Variants in SAMD12 observed in about 807,000 individuals in gnomAD.
The protein encoded by SAMD12 is sterile alpha motif domain-containing protein 12.
SAMD12 carries 9 observed loss-of-function variants against 15.0 expected under a neutral mutation model. The ratio of observed to expected loss-of-function variants is 0.60; its 90% CI spans 0.36 to 1.05. SAMD12 has a LOEUF of 1.05. SAMD12 is among the 50% of genes least tolerant of loss of function. The pLI, the probability that SAMD12 is intolerant of heterozygous loss-of-function variation, is 0.01. For missense variants in SAMD12, 230 were observed against 234.2 expected (o/e 0.98, Z 0.12); for synonymous variants, 86 against 90.1 (o/e 0.96, Z 0.25).
intron 3 of SAMD12, among the ~76,000 whole-genome samples, chr8:118,405,403 A>C (rs1821080261): frequency 7.2e-6 from 1 of 138,042 alleles, no homozygotes. Context: ...CAACACCGAT[A>C]AATCTGAAGA....
chr8:118,221,772 G>C (rs1449333673), intron 4 of SAMD12, among the ~76,000 whole-genome samples: 1 of 152,236 alleles, frequency 6.6e-6, no homozygotes, highest in East Asian at 1.9e-4. Flanking sequence ...TGGTTCTGCA[G>C]GTAGGGGATT....
chr8:118,187,014 T>C (rs1479004369), downstream of SAMD12, among the ~76,000 whole-genome samples: 2 of 152,172 alleles, frequency 1.3e-5, no homozygotes, highest in Non-Finnish European at 2.9e-5. Flanking sequence ...GCATTCTTAT[T>C]CCCCTCTTGA....
intron 3 of SAMD12, among the ~76,000 whole-genome samples, chr8:118,384,580 C>G (rs1449760950): frequency 6.6e-6 from 1 of 152,128 alleles, no homozygotes; most frequent in Non-Finnish European, 1.5e-5. Context: ...CATTTTCAAC[C>G]TGAGCCACCA....
At chr8:118,332,008 T>C (rs1010591179) in intron 4 of SAMD12, among the ~76,000 whole-genome samples, 3 of 152,014 alleles carry the variant, frequency 2.0e-5, no homozygotes, top group Admixed American at 1.3e-4. Flanking sequence ...TTAAGACAGG[T>C]ACCACACCTT....
chr8:118,594,594 T>C (rs902403655), intron 1 of SAMD12, among the ~76,000 whole-genome samples: 45 of 151,820 alleles, frequency 3.0e-4, no homozygotes, highest in African/African-American at 9.9e-4. Context: ...GGCTGCAAAA[T>C]TGAAAAAGGA....
chr8:118,399,917 G>GGT (rs1420660920), intron 3 of SAMD12, among the ~76,000 whole-genome samples: 2 of 152,080 alleles, frequency 1.3e-5, no homozygotes, highest in Non-Finnish European at 1.5e-5. Context: ...ATAGTTAGTA[G>GGT]GTGTGTGTGT....
At chr8:118,615,967 G>A (rs987867934) in intron 1 of SAMD12, among the ~76,000 whole-genome samples, 3 of 152,194 alleles carry the variant, frequency 2.0e-5, no homozygotes, top group Admixed American at 2.0e-4. Context: ...TGTTCACACA[G>A]TCACTGGAAG....
chr8:118,541,457 C>A (rs1328829083), intron 2 of SAMD12, among the ~76,000 whole-genome samples: 2 of 152,140 alleles, frequency 1.3e-5, no homozygotes, highest in Non-Finnish European at 2.9e-5. Flanking sequence ...CTATAAAGGA[C>A]CCAACAGTAA....
At chr8:118,610,534 G>A (rs1017282475) in intron 1 of SAMD12, among the ~76,000 whole-genome samples, 4 of 152,174 alleles carry the variant, frequency 2.6e-5, no homozygotes, top group Non-Finnish European at 5.9e-5. Flanking sequence ...GATTAGGTGG[G>A]AGAAAAACTC....
chr8:118,459,826 T>G (rs1823363378), intron 2 of SAMD12, among the ~76,000 whole-genome samples: 1 of 152,208 alleles, frequency 6.6e-6, no homozygotes, highest in Admixed American at 6.5e-5. Flanking sequence ...TGCAAGGCAC[T>G]TTGGGATACA....
At chr8:118,318,013 T>G (rs904538408) in intron 4 of SAMD12, among the ~76,000 whole-genome samples, 38 of 152,038 alleles carry the variant, frequency 2.5e-4, no homozygotes, top group African/African-American at 8.9e-4. Context: ...ACCTTGCTCC[T>G]ATAGGAGTGG....
intron 4 of SAMD12, among the ~76,000 whole-genome samples, chr8:118,283,429 T>C (rs1462368345): frequency 6.6e-6 from 1 of 152,210 alleles, no homozygotes; most frequent in Non-Finnish European, 1.5e-5. Context: ...AGGGAGTACG[T>C]AGCCTTAATA....
chr8:118,203,589 TA>T (rs1586338979), intron 4 of SAMD12, among the ~76,000 whole-genome samples: 1 of 152,174 alleles, frequency 6.6e-6, no homozygotes, highest in African/African-American at 2.4e-5. Flanking sequence ...TTTTTAATTC[TA>T]TTTTTTTATT....
At chr8:118,289,213 T>A (rs185532999) in intron 4 of SAMD12, among the ~76,000 whole-genome samples, 1 of 152,334 alleles carries the variant, frequency 6.6e-6, no homozygotes, top group African/African-American at 2.4e-5. Flanking sequence ...TCTGGGGATG[T>A]CACACAGCAA....
intron 2 of SAMD12, among the ~76,000 whole-genome samples, chr8:118,486,365 G>A (rs1004728186): frequency 5.9e-5 from 9 of 151,736 alleles, no homozygotes; most frequent in Non-Finnish European, 1.2e-4. Context: ...GCAGTGAGCC[G>A]AGATTGCGCC....
intron 2 of SAMD12, among the ~76,000 whole-genome samples, chr8:118,496,207 A>G (rs73317329): frequency 0.065 from 9,962 of 152,262 alleles, 656 homozygotes; most frequent in African/African-American, 0.16. Context: ...ATTAGAAAAA[A>G]TATTCTAAAC....
intron 2 of SAMD12, among the ~76,000 whole-genome samples, chr8:118,549,486 A>C (rs1826251507): frequency 6.6e-6 from 1 of 152,242 alleles, no homozygotes; most frequent in East Asian, 1.9e-4. Context: ...TGTTAGAAGG[A>C]AAACTAACAA....
intron 4 of SAMD12, among the ~76,000 whole-genome samples, chr8:118,350,896 T>C (rs1817932069): frequency 6.6e-6 from 1 of 152,224 alleles, no homozygotes; most frequent in African/African-American, 2.4e-5. Flanking sequence ...CCTGCCTGCC[T>C]CTTATAAGCT....
chr8:118,429,403 C>T (rs1822330636), intron 3 of SAMD12, among the ~76,000 whole-genome samples: 2 of 151,936 alleles, frequency 1.3e-5, no homozygotes, highest in Admixed American at 1.3e-4. Flanking sequence ...TTCCAAAATC[C>T]AAAAAAATAC....
Sources: gnomAD v4.1 joint callset for allele counts (sites outside exome capture counted in the v4.1 genomes callset) on GRCh38, gnomAD v4.1.1 for gene constraint, MANE v1.5 for transcripts, NCBI Gene and HGNC (gene_info 2026-07-23, HGNC 2026-07-21) for gene names.